Variants in STON2 observed in about 807,000 individuals in gnomAD.
STON2 encodes the protein stonin-2.
STON2 carries 29 observed loss-of-function variants against 65.7 expected under a neutral mutation model. The ratio of observed to expected loss-of-function variants is 0.44; its 90% CI spans 0.33 to 0.60. STON2 has a LOEUF of 0.60. Among genes scored for constraint, STON2 ranks in the 20% least tolerant of loss-of-function variants. The pLI is 0.03. For missense variants in STON2, 1,054 were observed against 1,118.1 expected (o/e 0.94, Z 0.82); for synonymous variants, 404 against 414.2 (o/e 0.98, Z 0.30).
intron 1 of STON2, among the ~76,000 whole-genome samples, chr14:81,432,428 G>A (rs1902260869): frequency 6.6e-6 from 1 of 152,130 alleles, no homozygotes; most frequent in Admixed American, 6.5e-5. Context: ...ATGACCACAT[G>A]GCACAGATGT....
intron 4 of STON2, among the ~76,000 whole-genome samples, chr14:81,325,446 C>CT (rs35371008): frequency 0.7 from 105,276 of 151,354 alleles, 37,785 homozygotes; most frequent in African/African-American, 0.88. Flanking sequence ...TTCTCCTCCT[C>CT]TTTTTTTTGA....
intron 4 of STON2, among the ~76,000 whole-genome samples, chr14:81,363,656 T>C (rs1354413020): frequency 1.3e-5 from 2 of 152,158 alleles, no homozygotes; most frequent in African/African-American, 2.4e-5. Flanking sequence ...TATTCTTCCA[T>C]TTTGAGGAAG....
intron 5 of STON2, among the ~76,000 whole-genome samples, chr14:81,293,112 G>T (rs1895623357): frequency 6.6e-6 from 1 of 152,036 alleles, no homozygotes; most frequent in African/African-American, 2.4e-5. Flanking sequence ...AAGATAGTGG[G>T]GGCTAAGTTA....
chr14:81,351,182 T>TC (rs931917854), intron 4 of STON2, among the ~76,000 whole-genome samples: 1 of 150,976 alleles, frequency 6.6e-6, no homozygotes, highest in Non-Finnish European at 1.5e-5. Flanking sequence ...GCTCTTCTTT[T>TC]TTTTTTTTTT....
At chr14:81,385,243 T>C (rs954627304) in intron 3 of STON2, among the ~76,000 whole-genome samples, 3 of 152,222 alleles carry the variant, frequency 2.0e-5, no homozygotes, top group Admixed American at 6.5e-5. Flanking sequence ...GAGGAGAATA[T>C]TGGAGTTTTA....
chr14:81,405,468 T>TTTG (rs1447637649), intron 2 of STON2, among the ~76,000 whole-genome samples: 2 of 151,194 alleles, frequency 1.3e-5, no homozygotes, highest in African/African-American at 4.9e-5. Context: ...TTGTTTTTTT[T>TTTG]TTTTTTTTGC....
chr14:81,430,867 T>G (rs929138861), intron 1 of STON2, among the ~76,000 whole-genome samples: 4 of 152,200 alleles, frequency 2.6e-5, no homozygotes, highest in African/African-American at 9.7e-5. Context: ...GGCAGCACCT[T>G]CTAATGAATT....
At chr14:81,359,957 T>G (rs1898416106) in intron 4 of STON2, among the ~76,000 whole-genome samples, 2 of 152,166 alleles carry the variant, frequency 1.3e-5, no homozygotes, top group African/African-American at 4.8e-5. Context: ...CAGGTGTGGT[T>G]GTACACACCT....
chr14:81,283,483 TA>T (rs1895204354), intron 5 of STON2, among the ~76,000 whole-genome samples: 1 of 151,670 alleles, frequency 6.6e-6, no homozygotes, highest in Non-Finnish European at 1.5e-5. Flanking sequence ...CATAACAGCA[TA>T]TAAAGGCATA....
At chr14:81,422,398 T>C (rs1246288343) in intron 2 of STON2, among the ~76,000 whole-genome samples, 1 of 152,180 alleles carries the variant, frequency 6.6e-6, no homozygotes, top group African/African-American at 2.4e-5. Flanking sequence ...CAGAAGCAGA[T>C]GTTGGCGCCA....
At chr14:81,306,340 G>A (rs1192611256) in intron 5 of STON2, among the ~76,000 whole-genome samples, 4 of 143,648 alleles carry the variant, frequency 2.8e-5, no homozygotes, top group Non-Finnish European at 6.0e-5. Context: ...AGTGATTCTC[G>A]TGTCTCAGCC....
At chr14:81,401,398 C>A (rs1900606332), upstream of STON2, among the ~76,000 whole-genome samples, 1 of 152,020 alleles carries the variant, frequency 6.6e-6, no homozygotes, top group African/African-American at 2.4e-5. Flanking sequence ...ACTGGTGGAA[C>A]AAATTGATCA....
chr14:81,389,913 T>C (rs1461865085), intron 3 of STON2, among the ~76,000 whole-genome samples: 1 of 152,102 alleles, frequency 6.6e-6, no homozygotes, highest in Non-Finnish European at 1.5e-5. Flanking sequence ...TTCTCAGCTG[T>C]ATGAAATGAA....
At position 81,398,389 on chromosome 14, in the gene STON2, A is replaced by T; in HGVS notation, c.-7T>A. The T allele has an allele frequency of 6.2e-7, 1 of 1,612,886 alleles. No individual in the cohort carries two copies. Among genetic ancestry groups the T allele is most frequent in the East Asian group, 2.2e-5 (1 of 44,848 alleles). On this transcript the variant is annotated 5_prime_UTR_variant, in exon 2 of 8. Coordinates refer to ENST00000614646, the MANE Select transcript of STON2 (RefSeq NM_001394390.1). Reference sequence around the variant, plus strand: ...CATGGTCCAAAGTCGTCATGCTAAAAAGGCACTGGTCATCTTCACACTGCT... The same window carrying T: ...CATGGTCCAAAGTCGTCATGCTAAATAGGCACTGGTCATCTTCACACTGCT...
At chr14:81,318,747 G>A (rs141906234) in intron 5 of STON2, among the ~76,000 whole-genome samples, 9,429 of 152,130 alleles carry the variant, frequency 0.062, 372 homozygotes, top group South Asian at 0.15. Context: ...GCTACTCCGG[G>A]GTCTGAGACA....
At chr14:81,271,989 C>T (rs1000116259) in intron 6 of STON2, among the ~76,000 whole-genome samples, 4 of 152,082 alleles carry the variant, frequency 2.6e-5, no homozygotes, top group South Asian at 2.1e-4. Flanking sequence ...AGCGGGAGGC[C>T]GAGGCAGGTG....
rs10653687 is a variant in STON2, at chr14:81,283,530, A to ATTTT, written c.743-4795_743-4792dup. Among the ~76,000 whole-genome samples, 189 of 128,870 alleles carry ATTTT rather than the reference A, an allele frequency of 1.5e-3. 4 individuals are homozygous for ATTTT. Among genetic ancestry groups the ATTTT allele is most frequent in the African/African-American group, 4.8e-3 (163 of 33,848 alleles). 84.5% of individuals were successfully genotyped at this position (128,870 alleles called of 152,430 possible). ...TTGTACTGCACTTTACAGATACTGC[A>ATTTT]TTTTTTTTTTTTTTTTTTGAGATGG... On this transcript the variant is annotated intron_variant, in intron 5 of 7. Transcript: ENST00000614646.
At chr14:81,272,934 G>A (rs915555624) in intron 6 of STON2, among the ~76,000 whole-genome samples, 4 of 152,216 alleles carry the variant, frequency 2.6e-5, no homozygotes, top group Non-Finnish European at 5.9e-5. Context: ...CAGCCGTTAA[G>A]TGGTAGAGCT....
rs539791070 is a variant in STON2 at position 81,261,961 on chromosome 14, AAGAG to A, written c.*6449_*6452del. Reference sequence around the variant, plus strand: ...GGAAATGATAAAAAAAAAAAAAAAAAAGAGAGAGATGTGAAAAGGAAAAAGATGG... The same window carrying A: ...GGAAATGATAAAAAAAAAAAAAAAAAAGAGATGTGAAAAGGAAAAAGATGG... On this transcript the variant is annotated 3_prime_UTR_variant, in exon 8 of 8. Transcript: ENST00000614646. The A allele has an allele frequency of 1.4e-4, 203 of 1,418,976 alleles. No individual in the cohort carries two copies. Among genetic ancestry groups the A allele is most frequent in the African/African-American group, 4.5e-4 (31 of 68,660 alleles). 87.9% of individuals were successfully genotyped at this position (1,418,976 alleles called of 1,614,324 possible). A position where few individuals can be genotyped will look rare whatever the true frequency, so the allele number is the denominator to read the frequency against.
Sources: gnomAD v4.1 joint callset for allele counts (sites outside exome capture counted in the v4.1 genomes callset) on GRCh38, gnomAD v4.1.1 for gene constraint, MANE v1.5 for transcripts, NCBI Gene and HGNC (gene_info 2026-07-23, HGNC 2026-07-21) for gene names.